Variants in KCNG3 observed in about 807,000 individuals in gnomAD.
KCNG3 encodes the protein potassium voltage-gated channel modifier subfamily G member 3.
Under a neutral mutation model 29.0 loss-of-function variants are expected in KCNG3, and 15 were observed. The observed-to-expected ratio is 0.52, with a 90% CI of 0.35 to 0.80. The LOEUF is 0.80. KCNG3 is among the 30% of genes least tolerant of loss of function. The pLI is 0.01. For synonymous variants in KCNG3, 322 were observed against 248.9 expected, an observed-to-expected ratio of 1.29 and a Z score of -2.76; for missense variants, 512 against 605.7, an observed-to-expected ratio of 0.85 and a Z score of 1.62.
intron 1 of KCNG3, among the ~76,000 whole-genome samples, chr2:42,470,523 G>C (rs1372870172): frequency 6.6e-6 from 1 of 152,072 alleles, no homozygotes; most frequent in Non-Finnish European, 1.5e-5. Flanking sequence ...AAATAAATAA[G>C]ACAAGATATT....
At chr2:42,405,669 G>A in the KCNG3 span, among the ~76,000 whole-genome samples, 2 of 151,802 alleles carry the variant, frequency 1.3e-5, no homozygotes, top group Non-Finnish European at 2.9e-5. Flanking sequence ...GTGCAGTGGC[G>A]CAATCTCAGC....
the KCNG3 span, among the ~76,000 whole-genome samples, chr2:42,427,909 T>G: frequency 6.6e-6 from 1 of 152,274 alleles, no homozygotes; most frequent in South Asian, 2.1e-4. Flanking sequence ...CATAGGTCAT[T>G]TGGTACATTA....
chr2:42,460,765 T>C (rs147236090), intron 1 of KCNG3, among the ~76,000 whole-genome samples: 58 of 152,244 alleles, frequency 3.8e-4, no homozygotes, highest in African/African-American at 1.3e-3. Context: ...GACCAGTGTT[T>C]AGGCTTCCCC....
At chr2:42,402,328 A>C in the KCNG3 span, among the ~76,000 whole-genome samples, 4 of 152,304 alleles carry the variant, frequency 2.6e-5, no homozygotes, top group South Asian at 2.1e-4. Flanking sequence ...TAAATAAGTA[A>C]ATCAATCCTA....
At chr2:42,464,906 T>TA (rs1042295899) in intron 1 of KCNG3, among the ~76,000 whole-genome samples, 7 of 151,854 alleles carry the variant, frequency 4.6e-5, no homozygotes, top group African/African-American at 7.3e-5. Flanking sequence ...TGTGTGTCTT[T>TA]AAAAAAAACA....
chr2:42,412,248 C>T, the KCNG3 span, among the ~76,000 whole-genome samples: 1 of 152,216 alleles, frequency 6.6e-6, no homozygotes, highest in Non-Finnish European at 1.5e-5. Flanking sequence ...TTTTATCTAA[C>T]ACTCATTTAA....
chr2:42,399,393 T>C, the KCNG3 span, among the ~76,000 whole-genome samples: 5 of 152,152 alleles, frequency 3.3e-5, no homozygotes, highest in South Asian at 4.1e-4. Flanking sequence ...AAGTTCTCTA[T>C]TGTAGATACT....
intron 1 of KCNG3, among the ~76,000 whole-genome samples, chr2:42,484,811 G>T (rs1673681232): frequency 6.6e-6 from 1 of 152,226 alleles, no homozygotes; most frequent in Non-Finnish European, 1.5e-5. Flanking sequence ...AGTTTCCACT[G>T]AATTCTAAAA....
intron 1 of KCNG3, among the ~76,000 whole-genome samples, chr2:42,453,841 G>C (rs1272959307): frequency 6.6e-6 from 1 of 151,962 alleles, no homozygotes; most frequent in African/African-American, 2.4e-5. Flanking sequence ...CATAGTTTGA[G>C]GTCTTAGATT....
At chr2:42,486,082 C>T (rs755717991) in intron 1 of KCNG3, among the ~76,000 whole-genome samples, 3 of 152,200 alleles carry the variant, frequency 2.0e-5, no homozygotes, top group African/African-American at 7.2e-5. Flanking sequence ...GATCCCTCTT[C>T]CAGAGTCTGC....
At chr2:42,441,588 A>C (rs2103655574), downstream of KCNG3, among the ~76,000 whole-genome samples, 1 of 152,062 alleles carries the variant, frequency 6.6e-6, no homozygotes, top group East Asian at 1.9e-4. Flanking sequence ...TATTTACCCA[A>C]CATGCTTCTT....
the KCNG3 span, among the ~76,000 whole-genome samples, chr2:42,408,948 G>C: frequency 6.6e-6 from 1 of 152,036 alleles, no homozygotes; most frequent in Non-Finnish European, 1.5e-5. Flanking sequence ...CTTGTTCCCC[G>C]ATGCAAGCCA....
At chr2:42,398,031 G>C in the KCNG3 span, among the ~76,000 whole-genome samples, 3 of 152,006 alleles carry the variant, frequency 2.0e-5, no homozygotes, top group Non-Finnish European at 4.4e-5. Flanking sequence ...AGACCATCCT[G>C]GCTAACACAG....
At chr2:42,446,523 A>G (rs1029704709) in intron 1 of KCNG3, among the ~76,000 whole-genome samples, 1 of 152,116 alleles carries the variant, frequency 6.6e-6, no homozygotes, top group Non-Finnish European at 1.5e-5. Flanking sequence ...TTATTATACC[A>G]TCACTTGTTT....
the KCNG3 span, among the ~76,000 whole-genome samples, chr2:42,420,266 C>T: frequency 6.6e-6 from 1 of 152,088 alleles, no homozygotes; most frequent in African/African-American, 2.4e-5. Flanking sequence ...TAAAAGAGGA[C>T]TCAGTGTTAG....
intron 1 of KCNG3, among the ~76,000 whole-genome samples, chr2:42,452,245 T>A (rs13424424): frequency 0.24 from 11,353 of 46,712 alleles, 521 homozygotes; most frequent in East Asian, 0.35. Context: ...ATATATATAT[T>A]TTTTTTTTTT....
At chr2:42,389,369 G>C in the KCNG3 span, among the ~76,000 whole-genome samples, 1 of 152,068 alleles carries the variant, frequency 6.6e-6, no homozygotes, top group Non-Finnish European at 1.5e-5. Context: ...CCTAAATTTG[G>C]ACTTCTGGTT....
chr2:42,438,668 A>C (rs556826788), downstream of KCNG3, among the ~76,000 whole-genome samples: 23 of 152,360 alleles, frequency 1.5e-4, no homozygotes, highest in African/African-American at 5.3e-4. Context: ...AGCTTATGCT[A>C]ACAGTCAAAA....
chr2:42,472,905 T>TATA (rs199588384), intron 1 of KCNG3, among the ~76,000 whole-genome samples: 4 of 59,696 alleles, frequency 6.7e-5, no homozygotes, highest in African/African-American at 1.6e-4. Context: ...ATATATATAT[T>TATA]TTTTTTTTTT....
Sources: allele counts gnomAD v4.1 joint callset (sites outside exome capture counted in the v4.1 genomes callset), GRCh38; gene constraint gnomAD v4.1.1; transcripts MANE v1.5; gene names NCBI Gene and HGNC (gene_info 2026-07-23, HGNC 2026-07-21).